Variants in VSIG10 observed in about 807,000 individuals in gnomAD.
VSIG10 encodes the protein V-set and immunoglobulin domain-containing protein 10.
VSIG10 carries 48 observed loss-of-function variants against 58.7 expected under a neutral mutation model. That is an observed-to-expected ratio of 0.82 (90% CI 0.65 to 1.04). The LOEUF is 1.04. Ranked by LOEUF, VSIG10 falls within the 50% of genes least tolerant of loss-of-function variation. The probability of loss-of-function intolerance (pLI) is 0.00; values close to 1 mark genes in which losing one functional copy is unlikely to be tolerated. For synonymous variants in VSIG10, 260 were observed against 267.1 expected, an observed-to-expected ratio of 0.97 and a Z score of 0.26; for missense variants, 628 against 670.0, an observed-to-expected ratio of 0.94 and a Z score of 0.69.
In VSIG10 at chr12:118,064,468, G is replaced by A. The variant is rs1448568408; in HGVS notation, c.*2171C>T. Reference sequence around the variant, plus strand: ...TTTTTTTTTCACCTCAACAGTTTTTGTGTTTTCTTTTTTTAATCTTGTTGC... The same window carrying A: ...TTTTTTTTTCACCTCAACAGTTTTTATGTTTTCTTTTTTTAATCTTGTTGC... On this transcript the variant is annotated 3_prime_UTR_variant, in exon 9 of 9. Coordinates refer to ENST00000359236, the MANE Select transcript of VSIG10 (RefSeq NM_019086.6). The A allele has an allele frequency of 7.5e-6, 1 of 134,198 alleles. No homozygotes were observed. Among genetic ancestry groups the A allele is most frequent in the Admixed American group, 7.6e-5 (1 of 13,182 alleles). The allele number at this position is 134,198 out of a possible 1,614,324, so 8.3% of individuals were successfully genotyped here.
At chr12:118,071,904 G>A (rs757390948) in intron 5 of VSIG10, among the ~76,000 whole-genome samples, 9 of 151,968 alleles carry the variant, frequency 5.9e-5, no homozygotes, top group Non-Finnish European at 1.0e-4. Context: ...GCGCAGTGGC[G>A]CATGCCTGTA....
chr12:118,073,114 A>G (rs2032566666), intron 5 of VSIG10, among the ~76,000 whole-genome samples: 1 of 152,090 alleles, frequency 6.6e-6, no homozygotes. Flanking sequence ...CTGGGATTAC[A>G]GGCACCTGCC....
intron 4 of VSIG10, among the ~76,000 whole-genome samples, chr12:118,075,225 T>TAG (rs2032679662): frequency 1.3e-5 from 2 of 149,666 alleles, no homozygotes; most frequent in Admixed American, 6.7e-5. Context: ...TGTGTGTGTG[T>TAG]ATATATATAT....
Position 118,073,461 on chromosome 12 carries a change from A to G in VSIG10, c.1219+238T>C, listed in dbSNP as rs74775670. On this transcript the variant is annotated intron_variant, in intron 5 of 8. Coordinates refer to ENST00000359236, the MANE Select transcript of VSIG10 (RefSeq NM_019086.6). Reference sequence around the variant, plus strand: ...ATGCTTTACAACTGACATACACTAGATATCTATTCGTTGGTGTGTATAGAT... The same window carrying G: ...ATGCTTTACAACTGACATACACTAGGTATCTATTCGTTGGTGTGTATAGAT... 8.2e-3 allele frequency among the ~76,000 whole-genome samples: 1,244 copies of G among 152,252 alleles called. 13 individuals are homozygous for G. Among genetic ancestry groups the G allele is most frequent in the Middle Eastern group, 0.02 (6 of 294 alleles).
intron 2 of VSIG10, among the ~76,000 whole-genome samples, chr12:118,089,506 CTAAT>C (rs1453459121): frequency 6.6e-6 from 1 of 152,118 alleles, no homozygotes; most frequent in Non-Finnish European, 1.5e-5. Context: ...GAAGCGATGA[CTAAT>C]TATTTTGGGC....
chr12:118,095,332 C>T (rs548530883), intron 2 of VSIG10, among the ~76,000 whole-genome samples: 17 of 152,206 alleles, frequency 1.1e-4, no homozygotes, highest in Admixed American at 8.5e-4. Context: ...TGAGCCACTG[C>T]GCCCGGCCAC....
At chr12:118,091,430 T>C (rs1002497057) in intron 2 of VSIG10, among the ~76,000 whole-genome samples, 33 of 150,962 alleles carry the variant, frequency 2.2e-4, no homozygotes, top group African/African-American at 8.0e-4. Flanking sequence ...AGGTGGACCT[T>C]GCAGTGAGCT....
At chr12:118,073,517 T>C (rs2032584163) in intron 5 of VSIG10, among the ~76,000 whole-genome samples, 182 bp downstream of exon 5, 1 of 152,184 alleles carries the variant, frequency 6.6e-6, no homozygotes, top group Non-Finnish European at 1.5e-5. Context: ...TATGGAAATA[T>C]TAGTGAGTTT....
intron 2 of VSIG10, among the ~76,000 whole-genome samples, chr12:118,092,258 T>C (rs1180560650): frequency 1.3e-5 from 2 of 152,012 alleles, no homozygotes; most frequent in African/African-American, 4.8e-5. Flanking sequence ...AGAGATGGGG[T>C]CTCACTACAT....
intron 3 of VSIG10, among the ~76,000 whole-genome samples, chr12:118,080,877 G>A (rs955495123): frequency 5.3e-5 from 8 of 152,096 alleles, no homozygotes; most frequent in Non-Finnish European, 1.2e-4. Context: ...GGGAAAAGAG[G>A]GAATGAGGGT....
At chr12:118,070,547 CAAAA>C (rs10607174) in intron 7 of VSIG10, among the ~76,000 whole-genome samples, 7 of 111,648 alleles carry the variant, frequency 6.3e-5, no homozygotes, top group Non-Finnish European at 7.5e-5. Context: ...GATTCTGTCT[CAAAA>C]AAAAAAAAAA....
rs35019751 is a variant in VSIG10, at chr12:118,066,245, CAAAAAAA to C, written c.*387_*393del. On this transcript the variant is annotated 3_prime_UTR_variant, in exon 9 of 9. Coordinates refer to ENST00000359236, the MANE Select transcript of VSIG10 (RefSeq NM_019086.6). ...TGGGCAATAGAGGGAGACTCCGTCTCAAAAAAAAAAAAAAAAAAAAAAAAAAGCGGCA... is the reference window on the plus strand; with the variant it reads ...TGGGCAATAGAGGGAGACTCCGTCTCAAAAAAAAAAAAAAAAAAAGCGGCA... The C allele has an allele frequency of 5.5e-4, 22 of 40,202 alleles. No individual in the cohort carries two copies. The highest frequency in any genetic ancestry group is 1.7e-3 in the African/African-American group (13 of 7,440). 2.5% of individuals were successfully genotyped at this position (40,202 alleles called of 1,614,324 possible). A position where few individuals can be genotyped will look rare whatever the true frequency, so the allele number is the denominator to read the frequency against.
chr12:118,070,822 T>C, intron 7 of VSIG10: 1 of 583,406 alleles, frequency 1.7e-6, no homozygotes, highest in Non-Finnish European at 3.1e-6. Flanking sequence ...CAGAAATTAC[T>C]TCACTGAGCC....
At chr12:118,089,593 G>A (rs2033234187) in intron 2 of VSIG10, among the ~76,000 whole-genome samples, 1 of 152,126 alleles carries the variant, frequency 6.6e-6, no homozygotes, top group Non-Finnish European at 1.5e-5. Context: ...GGGCCAAGAT[G>A]GGTGACATTT....
chr12:118,075,146 GTATATGTATATATATGTATA>G (rs938139430), intron 4 of VSIG10, among the ~76,000 whole-genome samples: 17 of 127,754 alleles, frequency 1.3e-4, no homozygotes, highest in Non-Finnish European at 2.3e-4. Context: ...GTATATATGT[GTATATGTATATATATGTATA>G]TATATGTATA....
At chr12:118,091,473 C>T (rs2033295178) in intron 2 of VSIG10, among the ~76,000 whole-genome samples, 1 of 143,554 alleles carries the variant, frequency 7.0e-6, no homozygotes, top group Non-Finnish European at 1.5e-5. Context: ...GCCTGGGCAA[C>T]AGAGCAAGAC....
chr12:118,103,797 T>G lies in VSIG10; in HGVS notation c.-126A>C. The G allele has an allele frequency of 1.0e-5, 9 of 872,202 alleles. No individual in the cohort carries two copies. The highest frequency in any genetic ancestry group is 1.8e-5 in the African/African-American group (1 of 55,918). The allele number at this position is 872,202 out of a possible 1,614,324, so 54.0% of individuals were successfully genotyped here. A position where few individuals can be genotyped will look rare whatever the true frequency, so the allele number is the denominator to read the frequency against. Reference sequence around the variant, plus strand: ...CCTCGGAACGGCAGAGTGGCCCCACTTCCTCGGCCCCCAGGAAGGATGCTT... The same window carrying G: ...CCTCGGAACGGCAGAGTGGCCCCACGTCCTCGGCCCCCAGGAAGGATGCTT... On this transcript the variant is annotated 5_prime_UTR_variant, in exon 1 of 9. Coordinates refer to ENST00000359236, the MANE Select transcript of VSIG10 (RefSeq NM_019086.6).
chr12:118,089,288 C>T (rs1317185613), intron 2 of VSIG10, among the ~76,000 whole-genome samples: 1 of 152,144 alleles, frequency 6.6e-6, no homozygotes, highest in Non-Finnish European at 1.5e-5. Context: ...AGTTCACGTT[C>T]ATTGCAACAA....
At chr12:118,087,475 C>T (rs2033159953) in intron 2 of VSIG10, among the ~76,000 whole-genome samples, 1 of 152,066 alleles carries the variant, frequency 6.6e-6, no homozygotes, top group Admixed American at 6.6e-5. Context: ...AACAAACTGT[C>T]ATATCTTGGA....
Sources: gnomAD v4.1 joint callset for allele counts (sites outside exome capture counted in the v4.1 genomes callset) on GRCh38, gnomAD v4.1.1 for gene constraint, MANE v1.5 for transcripts, NCBI Gene and HGNC (gene_info 2026-07-23, HGNC 2026-07-21) for gene names.